The following POLR3C variants were observed in gnomAD, a reference collection of about 807,000 sequenced individuals.
POLR3C encodes DNA-directed RNA polymerase III subunit RPC3.
Under a neutral mutation model 65.9 loss-of-function variants are expected in POLR3C, and 44 were observed. The ratio of observed to expected loss-of-function variants is 0.67; its 90% CI spans 0.52 to 0.86. The LOEUF is 0.86. Among genes scored for constraint, POLR3C ranks in the 40% least tolerant of loss-of-function variants. The pLI is 0.00. For missense variants in POLR3C, 576 were observed against 653.2 expected, an observed-to-expected ratio of 0.88 and a Z score of 1.29; for synonymous variants, 263 against 231.6, an observed-to-expected ratio of 1.14 and a Z score of -1.23.
chr1:145,824,596 GCTT>G (rs1452252196), intron 1 of POLR3C: 9 of 1,141,240 alleles, frequency 7.9e-6, no homozygotes, highest in Admixed American at 4.7e-5. Flanking sequence ...CAAAGACTTG[GCTT>G]CTTAGGAATT....
Position 145,833,255 on chromosome 1 carries a change from C to T in POLR3C, c.679-5C>T. ...GCTAAATGTTTCTCTAAATCTTTTC[C>T]TCAGCCCATTCCAGATGATGGGATT... On this transcript the variant is annotated splice_region_variant and splice_polypyrimidine_tract_variant and intron_variant, in intron 5 of 14. Coordinates refer to ENST00000334163, the MANE Select transcript of POLR3C (RefSeq NM_006468.8). 1 of 1,572,940 alleles carries T rather than the reference C, an allele frequency of 6.4e-7. No homozygotes were observed. Among genetic ancestry groups the T allele is most frequent in the Non-Finnish European group, 8.7e-7 (1 of 1,145,218 alleles).
chr1:145,839,980 A>G lies in POLR3C; in HGVS notation c.1312A>G (p.Arg438Gly), dbSNP rs781898100. The G allele has an allele frequency of 3.9e-5, 62 of 1,594,022 alleles. No homozygotes were observed. Among genetic ancestry groups the G allele is most frequent in the Non-Finnish European group, 4.9e-5 (57 of 1,161,862 alleles). Residue 438 changes from arginine to glycine, a missense_variant, in exon 12 of 15, where the codon AGG (arginine) becomes GGG (glycine). By Grantham distance (125) the Arg-to-Gly change is moderately radical. Transcript: ENST00000334163. ...GTCAGCTGCCCGAATGTTGTTGCAC[A>G]GGTGCTACAAGGTAACTCAATCTGG... ...ILSAARMLLH[R>G]CYKSIANLIE... is the part of the protein sequence containing the mutation.
intron 1 of POLR3C, among the ~76,000 whole-genome samples, chr1:145,824,860 C>T (rs1553725346): frequency 3.3e-5 from 5 of 152,070 alleles, no homozygotes; most frequent in Non-Finnish European, 5.9e-5. Flanking sequence ...TGCCTGTTCA[C>T]TCCCACCGAG....
chr1:145,824,587 A>C, intron 1 of POLR3C: 1 of 1,209,414 alleles, frequency 8.3e-7, no homozygotes, highest in Non-Finnish European at 1.1e-6. Context: ...ACGGGGAGGC[A>C]AAGACTTGGC....
intron 5 of POLR3C, among the ~76,000 whole-genome samples, chr1:145,832,819 C>T (rs984828562): frequency 1.3e-5 from 2 of 151,982 alleles, no homozygotes; most frequent in Non-Finnish European, 2.9e-5. Flanking sequence ...GTCAGGAGTT[C>T]GAGACCAGCC....
intron 4 of POLR3C, among the ~76,000 whole-genome samples, chr1:145,827,928 G>A (rs887483938): frequency 2.6e-5 from 4 of 151,464 alleles, no homozygotes; most frequent in Non-Finnish European, 2.9e-5. Flanking sequence ...ACTCTGTCTC[G>A]GGAAAAAAAA....
rs1391296371 is a variant in POLR3C at position 145,825,840 on chromosome 1, G to GA, written c.70dup (p.Ile24AsnfsTer19). On this transcript the variant is annotated frameshift_variant, in exon 2 of 15. Coordinates refer to ENST00000334163, the MANE Select transcript of POLR3C (RefSeq NM_006468.8). LOFTEE classifies it high-confidence loss of function. Reference sequence around the variant, plus strand: ...GCAAGAGCATTTTGGAGAGATTGTAGAAAAAATTGGAGTCCATCTGATAAG... The same window carrying GA: ...GCAAGAGCATTTTGGAGAGATTGTAGAAAAAAATTGGAGTCCATCTGATAAG... 1.9e-6 allele frequency: 3 copies of GA among 1,613,112 alleles called. No individual in the cohort carries two copies. In the African/African-American group the frequency reaches 4.0e-5, roughly 22 times the overall value.
Position 145,839,912 on chromosome 1 carries a change from A to G in POLR3C, c.1244A>G (p.His415Arg). 6.2e-7 allele frequency: 1 copy of G among 1,605,266 alleles called. No homozygotes were observed. The highest frequency in any genetic ancestry group is 8.5e-7 in the Non-Finnish European group (1 of 1,171,954). The change falls in exon 12 of 15, where the codon CAT becomes CGT. Residue 415 changes from histidine to arginine, a missense_variant. Coordinates refer to ENST00000334163, the MANE Select transcript of POLR3C (RefSeq NM_006468.8). ...SLQEIPKTPDHAPSRTFYLYT... is the reference protein window; with the variant it reads ...SLQEIPKTPDRAPSRTFYLYT... ...TAGGAAATTCCCAAAACACCAGACC[A>G]TGCCCCATCCAGGACCTTCTATTTA...
intron 14 of POLR3C, among the ~76,000 whole-genome samples, chr1:145,841,619 A>G (rs2101659946): frequency 6.6e-6 from 1 of 152,330 alleles, no homozygotes; most frequent in East Asian, 1.9e-4. Flanking sequence ...GTTCATTGCT[A>G]GTGTTATACA....
chr1:145,827,096 A>G lies in POLR3C; in HGVS notation c.589+91A>G. On this transcript the variant is annotated intron_variant, in intron 4 of 14. Transcript: ENST00000334163. ...GTATGAAATGTGATTGTATTTACCA[A>G]GTATTTGCTATGTGCCAGACATCGT... is the stretch of plus-strand genomic sequence containing the variant. 4.8e-6 allele frequency: 5 copies of G among 1,048,436 alleles called. No homozygotes were observed. The South Asian group carries it at 6.9e-5, about 15-fold the overall frequency. 64.9% of individuals were successfully genotyped at this position (1,048,436 alleles called of 1,614,324 possible). A position where few individuals can be genotyped will look rare whatever the true frequency, so the allele number is the denominator to read the frequency against.
At chr1:145,839,681 A>G (rs1320784343) in intron 11 of POLR3C, 2 of 497,308 alleles carry the variant, frequency 4.0e-6, no homozygotes, top group South Asian at 2.9e-5. Flanking sequence ...CAGTGAGCTG[A>G]TATCATGCCA....
chr1:145,842,456 GA>G lies in POLR3C; in HGVS notation c.*37del. 1 of 1,395,936 alleles carries G rather than the reference GA, an allele frequency of 7.2e-7. No homozygotes were observed. The highest frequency in any genetic ancestry group is 1.7e-5 in the Admixed American group (1 of 59,742). 86.5% of individuals were successfully genotyped at this position (1,395,936 alleles called of 1,614,324 possible). ...GCATCTTCCTCAGAAGATCTGGGGG[GA>G]TGGAAAGCAAAATAAAGGAGGTGCC... On this transcript the variant is annotated 3_prime_UTR_variant, in exon 15 of 15. Transcript: ENST00000334163.
intron 8 of POLR3C, 105 bp downstream of exon 8, chr1:145,836,679 C>G (rs1168788792): frequency 1.1e-6 from 1 of 938,292 alleles, no homozygotes; most frequent in African/African-American, 1.6e-5. Context: ...TATTCTCTAC[C>G]TAGCCAGCCC....
intron 4 of POLR3C, among the ~76,000 whole-genome samples, chr1:145,827,736 G>A (rs1650895264): frequency 6.9e-6 from 1 of 144,580 alleles, no homozygotes. Context: ...TCCAGCCTGG[G>A]CAACAGAGCC....
intron 4 of POLR3C, among the ~76,000 whole-genome samples, chr1:145,827,628 G>A (rs1295056616): frequency 4.6e-5 from 7 of 151,846 alleles, no homozygotes; most frequent in African/African-American, 1.7e-4. Flanking sequence ...GTGTGGTGGC[G>A]GGCATCTGTA....
At chr1:145,827,826 G>T (rs1452879061) in intron 4 of POLR3C, among the ~76,000 whole-genome samples, 3 of 151,962 alleles carry the variant, frequency 2.0e-5, no homozygotes, top group Non-Finnish European at 2.9e-5. Flanking sequence ...TACTCGGGAG[G>T]CTGGGGCAGG....
rs181566354 is a variant in POLR3C, at chr1:145,835,201, T to C, written c.877-1293T>C. ...CAGCAGCTCACACCCGTAATCCCAG[T>C]ACTTTGGGTGGCCGAGGCAGGCAGA... On this transcript the variant is annotated intron_variant, in intron 7 of 14. Coordinates refer to ENST00000334163, the MANE Select transcript of POLR3C (RefSeq NM_006468.8). 4.1e-5 allele frequency among the ~76,000 whole-genome samples: 6 copies of C among 144,670 alleles called. No homozygotes were observed. In the East Asian group the frequency reaches 1.2e-3, roughly 29 times the overall value. The allele number at this position is 144,670 out of a possible 152,430, so 94.9% of individuals were successfully genotyped here.
In POLR3C at chr1:145,829,815, G is replaced by C. The variant is rs1176865691; in HGVS notation, c.678+978G>C. On this transcript the variant is annotated intron_variant, in intron 5 of 14. Coordinates refer to ENST00000334163, the MANE Select transcript of POLR3C (RefSeq NM_006468.8). ...CCCAGATCTTCATGTAGTGGTCTCTGTTTTTATCATTTCTATCTTAAATGC... is the reference window on the plus strand; with the variant it reads ...CCCAGATCTTCATGTAGTGGTCTCTCTTTTTATCATTTCTATCTTAAATGC... 3.3e-5 allele frequency among the ~76,000 whole-genome samples: 5 copies of C among 152,286 alleles called. No individual in the cohort carries two copies. The East Asian group carries it at 9.6e-4, about 29-fold the overall frequency.
intron 5 of POLR3C, among the ~76,000 whole-genome samples, chr1:145,829,247 A>T (rs782381103): frequency 6.6e-6 from 1 of 152,142 alleles, no homozygotes; most frequent in Non-Finnish European, 1.5e-5. Context: ...AGAATAATTG[A>T]TTCCTCCTCC....
Sources: gnomAD v4.1 joint callset for allele counts (sites outside exome capture counted in the v4.1 genomes callset) on GRCh38, gnomAD v4.1.1 for gene constraint, MANE v1.5 for transcripts, NCBI Gene and HGNC (gene_info 2026-07-23, HGNC 2026-07-21) for gene names.